The following R3HDM4 variants were observed in gnomAD, a reference collection of about 807,000 sequenced individuals.
R3HDM4 encodes R3H domain-containing protein 4.
A neutral mutation model predicts 31.3 loss-of-function variants in R3HDM4; 30 were observed. That is an observed-to-expected ratio of 0.96 (90% CI 0.72 to 1.30). The LOEUF (loss-of-function observed/expected upper bound fraction) is 1.30, where lower values mean the gene tolerates loss of function less well. Among genes scored for constraint, R3HDM4 ranks in the 50% most tolerant of loss-of-function variants. R3HDM4 has a pLI of 0.00. For missense variants in R3HDM4, 444 were observed against 366.1 expected (o/e 1.21, Z -1.74); for synonymous variants, 196 against 156.6 (o/e 1.25, Z -1.88).
intron 1 of R3HDM4, among the ~76,000 whole-genome samples, chr19:910,962 T>G (rs908111958): frequency 2.0e-5 from 3 of 147,752 alleles, no homozygotes; most frequent in Non-Finnish European, 4.5e-5. Context: ...CTACTAAAAA[T>G]ACAAAAAAAT....
chr19:901,056 C>G (rs940011980), intron 3 of R3HDM4, 104 bp from the exon 4 acceptor site: 20 of 1,363,258 alleles, frequency 1.5e-5, no homozygotes, highest in Non-Finnish European at 2.0e-5. Context: ...TGGACGCGCT[C>G]CTGCGGTCAC....
In R3HDM4 at chr19:901,520, T is replaced by C. The variant is rs2036837352; in HGVS notation, c.253A>G (p.Thr85Ala). 6.2e-7 allele frequency: 1 copy of C among 1,607,560 alleles called. No homozygotes were observed. Among genetic ancestry groups the C allele is most frequent in the Non-Finnish European group, 8.5e-7 (1 of 1,179,742 alleles). ...TCCAGGCCAGGCAGGCCCCCGTCTG[T>C]CTCCAGCAGGGTCAGGAGGTACTGG... ...NTQYLLTLLETDGGLPGLEDG... is the reference protein window; with the variant it reads ...NTQYLLTLLEADGGLPGLEDG... The change falls in exon 3 of 8, where the codon ACA becomes GCA. Residue 85 changes from threonine to alanine, a missense_variant. Physicochemically the swap from Thr to Ala is moderately conservative, Grantham distance 58 (BLOSUM62 0). Coordinates refer to ENST00000361574, the MANE Select transcript of R3HDM4 (RefSeq NM_138774.4).
chr19:899,626 C>T lies in R3HDM4; in HGVS notation c.622G>A (p.Val208Met), dbSNP rs763134742. 100 of 1,611,002 alleles carry T rather than the reference C, an allele frequency of 6.2e-5. No homozygotes were observed. Among genetic ancestry groups the T allele is most frequent in the Non-Finnish European group, 7.7e-5 (91 of 1,178,846 alleles). Residue 208 changes from valine (V) to methionine (M), a missense_variant, in exon 6 of 8, where the codon GTG becomes ATG. Transcript: ENST00000361574. This position sits in a 1 kb window ranked among gnomAD's most constrained non-coding sequence, Gnocchi z 6.8. ...CTGTTGTCTAGCATTGCTGTGTACA[C>T]GGCCTGGGGGGACACGGAGAAGAAC... The part of the protein sequence containing the change: ...LRFFSVSPQA[V>M]YTAMLDNSFE...
chr19:904,341 G>A (rs2036877031), intron 1 of R3HDM4, among the ~76,000 whole-genome samples: 1 of 152,170 alleles, frequency 6.6e-6, no homozygotes, highest in Non-Finnish European at 1.5e-5. Context: ...GCCAAGCCTC[G>A]TTCACAGGAG....
chr19:906,587 G>A (rs912143589), intron 1 of R3HDM4, among the ~76,000 whole-genome samples: 1 of 151,998 alleles, frequency 6.6e-6, no homozygotes, highest in African/African-American at 2.4e-5. Flanking sequence ...GGGGTACTCA[G>A]AGCCAAAAGG....
intron 4 of R3HDM4, among the ~76,000 whole-genome samples, chr19:900,423 G>C (rs1162250423): frequency 7.2e-6 from 1 of 139,248 alleles, no homozygotes; most frequent in African/African-American, 2.7e-5. Flanking sequence ...ACACAAGCCA[G>C]CTAGCCCCAC....
In R3HDM4 at chr19:901,547, C is replaced by A. The variant is rs2036837665; in HGVS notation, c.227-1G>T. 1 of 1,602,794 alleles carries A rather than the reference C, an allele frequency of 6.2e-7. No homozygotes were observed. Among genetic ancestry groups the A allele is most frequent in the Non-Finnish European group, 8.5e-7 (1 of 1,178,610 alleles). On this transcript the variant is annotated splice_acceptor_variant, in intron 2 of 7. Transcript: ENST00000361574. LOFTEE classifies it high-confidence loss of function. ...TCCAGCAGGGTCAGGAGGTACTGGG[C>A]TAGGTGGAAACAGATGCTCTCTGGG...
intron 1 of R3HDM4, among the ~76,000 whole-genome samples, chr19:911,975 C>T (rs531381207): frequency 1.8e-3 from 267 of 149,724 alleles, no homozygotes; most frequent in African/African-American, 6.2e-3. Flanking sequence ...CGCATGGCCA[C>T]GTGGGTGAAC....
In R3HDM4 at chr19:899,588, C is replaced by T. The variant is rs376135596; in HGVS notation, c.647+13G>A. The T allele has an allele frequency of 6.2e-6, 10 of 1,612,100 alleles. No individual in the cohort carries two copies. The highest frequency in any genetic ancestry group is 2.2e-5 in the East Asian group (1 of 44,862). Reference sequence around the variant, plus strand: ...GCCTCGGAGGGTCCGCTCGCCTGGCCGCCCCCCCTTACCTGTTGTCTAGCA... The same window carrying T: ...GCCTCGGAGGGTCCGCTCGCCTGGCTGCCCCCCCTTACCTGTTGTCTAGCA... On this transcript the variant is annotated intron_variant, in intron 6 of 7. Coordinates refer to ENST00000361574, the MANE Select transcript of R3HDM4 (RefSeq NM_138774.4). This position sits in a 1 kb window ranked among gnomAD's most constrained non-coding sequence, Gnocchi z 6.8.
At chr19:904,827 C>A (rs1217029132) in intron 1 of R3HDM4, among the ~76,000 whole-genome samples, 1 of 151,996 alleles carries the variant, frequency 6.6e-6, no homozygotes. Flanking sequence ...GGGCAATGCT[C>A]TCCAGGGTCC....
rs1040122018 is a variant in R3HDM4, at chr19:899,583, C to A, written c.647+18G>T. The A allele has an allele frequency of 1.2e-6, 2 of 1,612,424 alleles. No individual in the cohort carries two copies. Among genetic ancestry groups the A allele is most frequent in the Non-Finnish European group, 1.7e-6 (2 of 1,179,448 alleles). On this transcript the variant is annotated intron_variant, in intron 6 of 7. Coordinates refer to ENST00000361574, the MANE Select transcript of R3HDM4 (RefSeq NM_138774.4). The surrounding 1 kb of genome is among the most constrained non-coding windows in gnomAD (Gnocchi z 6.8). ...CCGCAGCCTCGGAGGGTCCGCTCGCCTGGCCGCCCCCCCTTACCTGTTGTC... is the reference window on the plus strand; with the variant it reads ...CCGCAGCCTCGGAGGGTCCGCTCGCATGGCCGCCCCCCCTTACCTGTTGTC...
rs1033658473 is a variant in R3HDM4, at chr19:901,318, G to A, written c.351+104C>T. 1.0e-5 allele frequency: 13 copies of A among 1,288,462 alleles called. No homozygotes were observed. In the Admixed American group the frequency reaches 2.3e-4, roughly 23 times the overall value. The allele number at this position is 1,288,462 out of a possible 1,614,324, so 79.8% of individuals were successfully genotyped here. Reference sequence around the variant, plus strand: ...AGGGGCCTTCATTAGGAGATCAGAAGTGGGCGGGTGCTTCTGGCGGGGGAC... The same window carrying A: ...AGGGGCCTTCATTAGGAGATCAGAAATGGGCGGGTGCTTCTGGCGGGGGAC... On this transcript the variant is annotated intron_variant, in intron 3 of 7. Transcript: ENST00000361574.
rs1454654900 is a variant in R3HDM4, at chr19:899,854, GCCTTCCGTGGA to G, written c.562-179_562-169del. ...GGCCACCATGCCACCTCCTGCCTGT[GCCTTCCGTGGA>G]GGAAACTCCTACACACCCTGCAGTG... On this transcript the variant is annotated intron_variant, in intron 5 of 7. Transcript: ENST00000361574. This position sits in a 1 kb window ranked among gnomAD's most constrained non-coding sequence, Gnocchi z 6.8. Among the ~76,000 whole-genome samples, 17 of 152,126 alleles carry G rather than the reference GCCTTCCGTGGA, an allele frequency of 1.1e-4. No individual in the cohort carries two copies. Among genetic ancestry groups the G allele is most frequent in the Admixed American group, 1.1e-3 (17 of 15,280 alleles).
chr19:903,211 C>T (rs751319125), intron 1 of R3HDM4, among the ~76,000 whole-genome samples: 2 of 150,336 alleles, frequency 1.3e-5, no homozygotes, highest in Non-Finnish European at 3.0e-5. Flanking sequence ...GCCCCAGAAG[C>T]TCAAGGTGAT....
At chr19:906,507 C>T (rs1412331686) in intron 1 of R3HDM4, among the ~76,000 whole-genome samples, 2 of 152,050 alleles carry the variant, frequency 1.3e-5, no homozygotes, top group Non-Finnish European at 2.9e-5. Context: ...CATGAGCCAC[C>T]GCGCCCGGCT....
At position 899,551 on chromosome 19, in the gene R3HDM4, C is replaced by A. The variant is rs757102367; in HGVS notation, c.647+50G>T. ...GGGGCTGCAGCGTGGGGTGTCCGCC[C>A]ACCTGGCCGCAGCCTCGGAGGGTCC... On this transcript the variant is annotated intron_variant, in intron 6 of 7. Transcript: ENST00000361574. The surrounding 1 kb of genome is among the most constrained non-coding windows in gnomAD (Gnocchi z 6.8). The A allele has an allele frequency of 6.2e-7, 1 of 1,612,466 alleles. No homozygotes were observed. The highest frequency in any genetic ancestry group is 8.5e-7 in the Non-Finnish European group (1 of 1,179,288).
intron 1 of R3HDM4, among the ~76,000 whole-genome samples, chr19:912,065 G>GA (rs2036978335): frequency 8.0e-6 from 1 of 124,346 alleles, no homozygotes; most frequent in Non-Finnish European, 1.7e-5. Context: ...GAGTGGGGGG[G>GA]CAGACCCGGG....
rs901929966 is a variant in R3HDM4 at position 907,461 on chromosome 19, T to C, written c.72-5331A>G. ...TCGGGGAAGTCAGAGGGGGCGGGGC[T>C]CGGTGACACAGCTCAAGCCCTCCCA... On this transcript the variant is annotated intron_variant, in intron 1 of 7. Transcript: ENST00000361574. This position sits in a 1 kb window ranked among gnomAD's most constrained non-coding sequence, Gnocchi z 4.1. Among the ~76,000 whole-genome samples, 2 of 151,864 alleles carry C rather than the reference T, an allele frequency of 1.3e-5. No homozygotes were observed. The highest frequency in any genetic ancestry group is 2.1e-4 in the South Asian group (1 of 4,806).
intron 1 of R3HDM4, among the ~76,000 whole-genome samples, chr19:902,868 G>C (rs529041351): frequency 6.6e-6 from 1 of 151,584 alleles, no homozygotes; most frequent in South Asian, 2.1e-4. Context: ...CTTGAACCCG[G>C]GAGGCAGATG....
Sources: gnomAD v4.1 joint callset for allele counts (sites outside exome capture counted in the v4.1 genomes callset) on GRCh38, gnomAD v4.1.1 for gene constraint, Gnocchi (gnomAD v3.1) non-coding constraint, MANE v1.5 for transcripts, NCBI Gene and HGNC (gene_info 2026-07-23, HGNC 2026-07-21) for gene names.